Variants in NOS1AP observed in about 807,000 individuals in gnomAD.
NOS1AP encodes the protein nitric oxide synthase 1 adaptor protein.
Under a neutral mutation model 56.2 loss-of-function variants are expected in NOS1AP, and 21 were observed. The ratio of observed to expected loss-of-function variants is 0.37; its 90% CI spans 0.26 to 0.54. The LOEUF is 0.54. Ranked by LOEUF, NOS1AP falls within the 20% of genes least tolerant of loss-of-function variation. NOS1AP has a pLI of 0.84. For missense variants in NOS1AP, 522 were observed against 657.8 expected, an observed-to-expected ratio of 0.79 and a Z score of 2.26; for synonymous variants, 270 against 274.6, an observed-to-expected ratio of 0.98 and a Z score of 0.17.
intron 2 of NOS1AP, among the ~76,000 whole-genome samples, chr1:162,191,487 T>A (rs1651645239): frequency 6.6e-6 from 1 of 152,202 alleles, no homozygotes; most frequent in African/African-American, 2.4e-5. Flanking sequence ...TTATCAGGTT[T>A]TGCCCATGTG....
intron 3 of NOS1AP, among the ~76,000 whole-genome samples, 170 bp from the exon 4 acceptor site, chr1:162,300,463 G>A (rs1220223416): frequency 6.6e-5 from 10 of 152,200 alleles, no homozygotes; most frequent in Non-Finnish European, 8.8e-5. Context: ...AAACTGATCA[G>A]ACTAGACACT....
intron 3 of NOS1AP, among the ~76,000 whole-genome samples, chr1:162,290,319 C>T (rs1311281068): frequency 6.6e-6 from 1 of 152,158 alleles, no homozygotes; most frequent in Non-Finnish European, 1.5e-5. Flanking sequence ...TGCCTTTAAC[C>T]ACGGGGTTCA....
intron 2 of NOS1AP, among the ~76,000 whole-genome samples, chr1:162,257,695 A>G (rs1343079530): frequency 1.3e-5 from 2 of 151,526 alleles, no homozygotes; most frequent in African/African-American, 2.4e-5. Context: ...TCTGGTACAC[A>G]TGTAAACACT....
At chr1:162,248,920 C>CT (rs998865915) in intron 2 of NOS1AP, among the ~76,000 whole-genome samples, 8 of 151,974 alleles carry the variant, frequency 5.3e-5, no homozygotes, top group African/African-American at 1.9e-4. Context: ...ACCACAGCAC[C>CT]CCCCCCTTTC....
intron 4 of NOS1AP, among the ~76,000 whole-genome samples, chr1:162,327,009 G>A (rs1375369259): frequency 6.6e-6 from 1 of 152,182 alleles, no homozygotes; most frequent in African/African-American, 2.4e-5. Context: ...ATACAATATG[G>A]AAAGCAGAGC....
chr1:162,246,825 G>A (rs1259121315), intron 2 of NOS1AP, among the ~76,000 whole-genome samples: 1 of 152,092 alleles, frequency 6.6e-6, no homozygotes. Flanking sequence ...ACAGGAATGG[G>A]TATGGCCAGT....
At chr1:162,148,828 G>A (rs1224867575) in intron 1 of NOS1AP, among the ~76,000 whole-genome samples, 1 of 152,238 alleles carries the variant, frequency 6.6e-6, no homozygotes, top group Non-Finnish European at 1.5e-5. Context: ...TATAGACAAA[G>A]TGAGAGAGGA....
intron 2 of NOS1AP, among the ~76,000 whole-genome samples, chr1:162,207,717 A>G (rs58147560): frequency 1.3e-5 from 2 of 152,338 alleles, no homozygotes; most frequent in African/African-American, 4.8e-5. Flanking sequence ...GTGAAAAATC[A>G]TGATACATAC....
At chr1:162,160,225 A>T (rs950853769) in intron 2 of NOS1AP, among the ~76,000 whole-genome samples, 1 of 152,104 alleles carries the variant, frequency 6.6e-6, no homozygotes, top group Admixed American at 6.5e-5. Flanking sequence ...AGAGTTTCCT[A>T]TTTAACAGTG....
chr1:162,324,971 C>G (rs1371094915), intron 4 of NOS1AP, among the ~76,000 whole-genome samples: 1 of 152,188 alleles, frequency 6.6e-6, no homozygotes, highest in Non-Finnish European at 1.5e-5. Flanking sequence ...TGGCCCCACA[C>G]TTCAGGTGTC....
intron 2 of NOS1AP, among the ~76,000 whole-genome samples, chr1:162,259,207 GAAC>G (rs1349084165): frequency 1.3e-5 from 2 of 152,182 alleles, no homozygotes; most frequent in African/African-American, 4.8e-5. Context: ...TGACTGATTT[GAAC>G]AACATTTTCA....
chr1:162,251,375 C>T (rs1653842248), intron 2 of NOS1AP, among the ~76,000 whole-genome samples: 1 of 152,122 alleles, frequency 6.6e-6, no homozygotes, highest in Admixed American at 6.6e-5. Flanking sequence ...ACTACCTTGT[C>T]ATTATGAGTC....
chr1:162,349,840 G>A (rs773011575), intron 6 of NOS1AP, among the ~76,000 whole-genome samples: 15 of 152,178 alleles, frequency 9.9e-5, no homozygotes, highest in Non-Finnish European at 2.1e-4. Context: ...TAGTGCCGAG[G>A]CCATGAAGCT....
In NOS1AP at chr1:162,367,281, C is replaced by A. The variant is rs1450719468; in HGVS notation, c.1335C>A (p.Gly445=). 1 of 1,613,572 alleles carries A rather than the reference C, an allele frequency of 6.2e-7. No homozygotes were observed. Among genetic ancestry groups the A allele is most frequent in the Non-Finnish European group, 8.5e-7 (1 of 1,179,930 alleles). ...AGGACACCCCGCCCCCAGCGCAGGG[C>A]GAGGCGCTCCTGGGCGGTCTGGAGC... The part of the protein sequence containing the change: ...PPEDTPPPAQ[G]EALLGGLELI... The change falls in exon 10 of 10, where the codon GGC becomes GGA. Residue 445 remains glycine, a synonymous_variant. Coordinates refer to ENST00000361897, the MANE Select transcript of NOS1AP (RefSeq NM_014697.3). This position sits in a 1 kb window ranked among gnomAD's most constrained non-coding sequence, Gnocchi z 6.5.
rs766841393 is a variant in NOS1AP, at chr1:162,280,873, T to C, written c.178-6471T>C. On this transcript the variant is annotated intron_variant, in intron 2 of 9. Transcript: ENST00000361897. ...TCTGGAATTTAGATTCATTTCAAAC[T>C]TTGGTGTTGGTCATGCTGGCATTTC... Among the ~76,000 whole-genome samples the C allele has an allele frequency of 2.2e-3, 341 of 152,322 alleles. 4 individuals are homozygous for C. The highest frequency in any genetic ancestry group is 2.4e-3 in the Non-Finnish European group (164 of 68,030).
intron 4 of NOS1AP, among the ~76,000 whole-genome samples, chr1:162,331,002 G>A (rs1656749683): frequency 6.6e-6 from 1 of 152,144 alleles, no homozygotes; most frequent in Non-Finnish European, 1.5e-5. Context: ...GAATTATGGG[G>A]AATATGATGA....
At chr1:162,157,177 T>C (rs1650008708) in intron 2 of NOS1AP, 1 of 154,382 alleles carries the variant, frequency 6.5e-6, no homozygotes, top group Non-Finnish European at 1.5e-5. Flanking sequence ...CCTCATCATC[T>C]GCCAGCCCTT....
At chr1:162,332,723 C>T (rs746542440) in intron 4 of NOS1AP, among the ~76,000 whole-genome samples, 2 of 152,196 alleles carry the variant, frequency 1.3e-5, no homozygotes, top group Non-Finnish European at 2.9e-5. Context: ...TTCCTTCTAA[C>T]ATACAAGTTA....
At position 162,333,088 on chromosome 1, in the gene NOS1AP, A is replaced by G. The variant is rs1436525273; in HGVS notation, c.416A>G (p.Asn139Ser). 1 of 1,613,752 alleles carries G rather than the reference A, an allele frequency of 6.2e-7. No individual in the cohort carries two copies. Among genetic ancestry groups the G allele is most frequent in the Non-Finnish European group, 8.5e-7 (1 of 1,179,816 alleles). ...TATATCGCTCGAGATGGTGCCAGCA[A>G]TATCTTCAGGTGTAACGTCTTTAAA... ...FSYIARDGAS[N>S]IFRCNVFKSK... The change falls in exon 5 of 10, where the codon AAT becomes AGT. Residue 139 changes from asparagine (N) to serine (S), a missense_variant. Asn to Ser is a conservative substitution (Grantham distance 46, BLOSUM62 1). Coordinates refer to ENST00000361897, the MANE Select transcript of NOS1AP (RefSeq NM_014697.3).
Sources: gnomAD v4.1 joint callset for allele counts (sites outside exome capture counted in the v4.1 genomes callset) on GRCh38, gnomAD v4.1.1 for gene constraint, Gnocchi (gnomAD v3.1) non-coding constraint, MANE v1.5 for transcripts, NCBI Gene and HGNC (gene_info 2026-07-23, HGNC 2026-07-21) for gene names.